ADAMTS19: variants seen among roughly 807,000 people sequenced by gnomAD.
ADAMTS19 encodes A disintegrin and metalloproteinase with thrombospondin motifs 19.
In ADAMTS19, 93 loss-of-function variants were observed where a neutral mutation model predicts 153.3. The ratio of observed to expected loss-of-function variants is 0.61; its 90% CI spans 0.51 to 0.72. The LOEUF (loss-of-function observed/expected upper bound fraction) is 0.72, where lower values mean the gene tolerates loss of function less well. Ranked by LOEUF, ADAMTS19 falls within the 30% of genes least tolerant of loss-of-function variation. The probability of loss-of-function intolerance (pLI) is 0.00; values close to 1 mark genes in which losing one functional copy is unlikely to be tolerated. For missense variants in ADAMTS19, 1,482 were observed against 1,552.1 expected (o/e 0.95, Z 0.76); for synonymous variants, 600 against 556.6 (o/e 1.08, Z -1.10).
intron 9 of ADAMTS19, among the ~76,000 whole-genome samples, chr5:129,621,657 A>T (rs1751780917): frequency 6.6e-6 from 1 of 152,220 alleles, no homozygotes; most frequent in Admixed American, 6.5e-5. Context: ...CCTAAGGAAC[A>T]TGCATGATTT....
chr5:129,648,897 G>T lies in ADAMTS19; in HGVS notation c.2103G>T (p.Trp701Cys), dbSNP rs777879963. Reference protein sequence around the residue: ...CPAGLPGFRDWQCQAYSVRTS... With the variant: ...CPAGLPGFRDCQCQAYSVRTS... ...CAGGTTTGCCTGGATTCAGAGACTG[G>T]CAATGTCAGGCTTATAGTGTTAGAA... The change falls in exon 13 of 23, where the codon TGG becomes TGT. Residue 701 changes from tryptophan (W) to cysteine (C), a missense_variant. Coordinates refer to ENST00000274487, the MANE Select transcript of ADAMTS19 (RefSeq NM_133638.6). The T allele has an allele frequency of 6.2e-7, 1 of 1,613,814 alleles. No individual in the cohort carries two copies. The highest frequency in any genetic ancestry group is 8.5e-7 in the Non-Finnish European group (1 of 1,179,794).
chr5:129,584,150 C>T (rs1749668517), intron 7 of ADAMTS19, among the ~76,000 whole-genome samples: 1 of 152,116 alleles, frequency 6.6e-6, no homozygotes. Context: ...ACAGTCAGGC[C>T]CCTCTGCTGC....
rs568563107 is a variant in ADAMTS19 at position 129,597,402 on chromosome 5, T to C, written c.1478+738T>C. Among the ~76,000 whole-genome samples the C allele has an allele frequency of 2.0e-5, 3 of 152,252 alleles. No individual in the cohort carries two copies. The South Asian group carries it at 6.2e-4, about 32-fold the overall frequency. On this transcript the variant is annotated intron_variant, in intron 8 of 22. Transcript: ENST00000274487. ...TGGAAAAATACAGAAATATAGAGAATTTACCCTCCTGAAATTATTAAAATG... is the reference window on the plus strand; with the variant it reads ...TGGAAAAATACAGAAATATAGAGAACTTACCCTCCTGAAATTATTAAAATG...
chr5:129,543,061 T>TA (rs1752714390), intron 6 of ADAMTS19, among the ~76,000 whole-genome samples: 2 of 150,190 alleles, frequency 1.3e-5, no homozygotes, highest in Non-Finnish European at 3.0e-5. Context: ...TTTTTTTTTT[T>TA]AATTTAAGAA....
chr5:129,611,771 A>G lies in ADAMTS19; in HGVS notation c.1479-8847A>G, dbSNP rs143947841. On this transcript the variant is annotated intron_variant, in intron 8 of 22. Transcript: ENST00000274487. ...TGGAAAGATACTCCTCGAGAAGAAC[A>G]ACTCCAAGACACATAATTGTCAAAT... is the stretch of plus-strand genomic sequence containing the variant. Among the ~76,000 whole-genome samples the G allele has an allele frequency of 5.0e-3, 755 of 152,070 alleles. 7 individuals carry two copies. Among genetic ancestry groups the G allele is most frequent in the African/African-American group, 0.017 (702 of 41,502 alleles).
chr5:129,724,871 A>C (rs1358313080), intron 21 of ADAMTS19, among the ~76,000 whole-genome samples: 2 of 152,136 alleles, frequency 1.3e-5, no homozygotes, highest in African/African-American at 4.8e-5. Flanking sequence ...TGGGTTCTCC[A>C]CTTGGCTGGC....
chr5:129,552,501 T>A (rs1290826242), intron 7 of ADAMTS19, among the ~76,000 whole-genome samples: 4 of 151,558 alleles, frequency 2.6e-5, no homozygotes, highest in Non-Finnish European at 5.9e-5. Context: ...AATATAAATG[T>A]ATCTATCCAA....
intron 6 of ADAMTS19, among the ~76,000 whole-genome samples, chr5:129,530,352 G>A (rs1444166264): frequency 2.0e-5 from 3 of 152,086 alleles, no homozygotes; most frequent in Non-Finnish European, 2.9e-5. Flanking sequence ...AGACATAATG[G>A]CAAAAATTTC....
chr5:129,646,051 G>A (rs1753053117), intron 11 of ADAMTS19, among the ~76,000 whole-genome samples: 1 of 149,396 alleles, frequency 6.7e-6, no homozygotes, highest in Non-Finnish European at 1.5e-5. Flanking sequence ...ACTACGCCCG[G>A]CTAATTTTTT....
intron 16 of ADAMTS19, among the ~76,000 whole-genome samples, chr5:129,666,479 A>G (rs1358018377): frequency 6.6e-6 from 1 of 152,130 alleles, no homozygotes; most frequent in Non-Finnish European, 1.5e-5. Context: ...CCAACAAGGA[A>G]TCCTTTGTAT....
At chr5:129,553,842 C>T (rs948974631) in intron 7 of ADAMTS19, among the ~76,000 whole-genome samples, 2 of 152,106 alleles carry the variant, frequency 1.3e-5, no homozygotes, top group Non-Finnish European at 2.9e-5. Context: ...CCCACAAAAA[C>T]CTTCTTGTCA....
intron 2 of ADAMTS19, among the ~76,000 whole-genome samples, chr5:129,483,546 C>G (rs1487365044): frequency 1.3e-5 from 2 of 152,120 alleles, no homozygotes; most frequent in Non-Finnish European, 2.9e-5. Flanking sequence ...AGATTTCTCC[C>G]TGGTATGTGT....
intron 16 of ADAMTS19, among the ~76,000 whole-genome samples, chr5:129,678,962 G>C (rs1269131234): frequency 6.6e-6 from 1 of 152,112 alleles, no homozygotes. Flanking sequence ...AAGTTGTATG[G>C]AAGAGTCTAA....
intron 22 of ADAMTS19, 91 bp downstream of exon 22, chr5:129,735,200 T>C: frequency 8.0e-7 from 1 of 1,248,388 alleles, no homozygotes; most frequent in Non-Finnish European, 1.1e-6. Flanking sequence ...CCTTGATAGT[T>C]GTAAATCTAT....
intron 21 of ADAMTS19, among the ~76,000 whole-genome samples, chr5:129,717,292 T>G (rs1756775366): frequency 6.6e-6 from 1 of 152,152 alleles, no homozygotes; most frequent in Non-Finnish European, 1.5e-5. Flanking sequence ...AAGCATTGTA[T>G]TTTTTAAAAT....
chr5:129,480,611 C>T (rs192613911), intron 2 of ADAMTS19, among the ~76,000 whole-genome samples: 27 of 151,886 alleles, frequency 1.8e-4, no homozygotes, highest in African/African-American at 6.3e-4. Context: ...AAAGAAGATA[C>T]CAGATGGAAA....
At chr5:129,701,154 C>T (rs1013252704) in intron 19 of ADAMTS19, among the ~76,000 whole-genome samples, 2 of 150,592 alleles carry the variant, frequency 1.3e-5, no homozygotes, top group Admixed American at 1.3e-4. Context: ...GGGCATTCCC[C>T]TGCACACACC....
At chr5:129,478,667 C>G (rs1430534639) in intron 2 of ADAMTS19, among the ~76,000 whole-genome samples, 1 of 152,166 alleles carries the variant, frequency 6.6e-6, no homozygotes, top group Non-Finnish European at 1.5e-5. Context: ...CCACTTCAGC[C>G]TCCCCAGTTG....
intron 7 of ADAMTS19, among the ~76,000 whole-genome samples, chr5:129,576,047 G>A (rs1310671365): frequency 6.6e-6 from 1 of 150,802 alleles, no homozygotes; most frequent in Non-Finnish European, 1.5e-5. Flanking sequence ...ATCTTAATGC[G>A]GGGAGGAAGG....
Sources: gnomAD v4.1 joint callset for allele counts (sites outside exome capture counted in the v4.1 genomes callset) on GRCh38, gnomAD v4.1.1 for gene constraint, MANE v1.5 for transcripts, NCBI Gene and HGNC (gene_info 2026-07-23, HGNC 2026-07-21) for gene names.